RPS6KA4: variants seen among roughly 807,000 people sequenced by gnomAD.
The protein encoded by RPS6KA4 is ribosomal protein S6 kinase alpha-4.
RPS6KA4 carries 38 observed loss-of-function variants against 89.6 expected under a neutral mutation model. That is an observed-to-expected ratio of 0.42 (90% CI 0.33 to 0.56). The LOEUF is 0.56. RPS6KA4 is among the 20% of genes least tolerant of loss of function. The pLI is 0.07. For missense variants in RPS6KA4, 873 were observed against 1,098.8 expected (o/e 0.79, Z 2.90); for synonymous variants, 495 against 492.8 (o/e 1.00, Z -0.06).
chr11:64,361,699 C>T lies in RPS6KA4; in HGVS notation c.709C>T (p.Pro237Ser). 2 of 1,611,566 alleles carry T rather than the reference C, an allele frequency of 1.2e-6. No individual in the cohort carries two copies. The highest frequency in any genetic ancestry group is 1.7e-6 in the Non-Finnish European group (2 of 1,179,518). The change falls in exon 7 of 17, where the codon CCC becomes TCC. Residue 237 changes from proline to serine, a missense_variant. By Grantham distance (74) the Pro-to-Ser change is moderately conservative. This residue lies in a region of RPS6KA4 where 542 missense variants were observed against 736.4 expected (regional missense o/e 0.74). Coordinates refer to ENST00000334205, the MANE Select transcript of RPS6KA4 (RefSeq NM_003942.3). This position sits in a 1 kb window ranked among gnomAD's most constrained non-coding sequence, Gnocchi z 4.7. ...CTTCGAGCTGCTGACGGGGGCCTCG[C>T]CCTTCACCCTGGAGGGCGAGAGGAA... is the stretch of plus-strand genomic sequence containing the variant. The part of the protein sequence containing the change: ...LLFELLTGAS[P>S]FTLEGERNTQ...
rs1367052861 is a variant in RPS6KA4 at position 64,370,040 on chromosome 11, C to T, written c.1797+147C>T. ...AGCTGGGATCGGGGTGGTTCAAATACAGAGGTGGGGTCGCTCTGGTGCTAG... is the reference window on the plus strand; with the variant it reads ...AGCTGGGATCGGGGTGGTTCAAATATAGAGGTGGGGTCGCTCTGGTGCTAG... On this transcript the variant is annotated intron_variant, in intron 14 of 16. Coordinates refer to ENST00000334205, the MANE Select transcript of RPS6KA4 (RefSeq NM_003942.3). The surrounding 1 kb of genome is among the most constrained non-coding windows in gnomAD (Gnocchi z 4.1). The T allele has an allele frequency of 1.8e-6, 2 of 1,122,802 alleles. No homozygotes were observed. The highest frequency in any genetic ancestry group is 1.6e-5 in the African/African-American group (1 of 63,336). The allele number at this position is 1,122,802 out of a possible 1,614,324, so 69.6% of individuals were successfully genotyped here. A position where few individuals can be genotyped will look rare whatever the true frequency, so the allele number is the denominator to read the frequency against.
Position 64,359,290 on chromosome 11 carries a change from G to A in RPS6KA4, c.55G>A (p.Ala19Thr). The A allele has an allele frequency of 1.3e-6, 2 of 1,584,234 alleles. No individual in the cohort carries two copies. Among genetic ancestry groups the A allele is most frequent in the Non-Finnish European group, 1.7e-6 (2 of 1,163,854 alleles). ...SCAVELRITE[A>T]NLTGHEEKVS... ...CGCCGTGGAGCTGCGGATCACAGAA[G>A]GTGGGTGTGGGGCCTGACTGCGGCT... Residue 19 changes from alanine (A) to threonine (T), a missense_variant and splice_region_variant, in exon 1 of 17, where the codon GCC becomes ACC. Around this residue, in one of 4 missense-constraint regions of RPS6KA4, gnomAD observed 49 missense variants for 51.9 expected, o/e 0.94. Coordinates refer to ENST00000334205, the MANE Select transcript of RPS6KA4 (RefSeq NM_003942.3).
intron 16 of RPS6KA4, 140 bp from the exon 17 acceptor site, chr11:64,371,143 C>A (rs1376791011): frequency 2.9e-6 from 2 of 692,882 alleles, no homozygotes; most frequent in East Asian, 5.5e-5. Context: ...TGAACCGAAT[C>A]CGGTGGTCGG....
intron 8 of RPS6KA4, among the ~76,000 whole-genome samples, chr11:64,362,820 G>T (rs2036790492): frequency 6.6e-6 from 1 of 152,134 alleles, no homozygotes; most frequent in African/African-American, 2.4e-5. Context: ...ACAGGCACAG[G>T]CCACCACGAC....
Position 64,370,911 on chromosome 11 carries a change from C to T in RPS6KA4, c.2121+185C>T, listed in dbSNP as rs1291225443. On this transcript the variant is annotated intron_variant, in intron 16 of 16. Coordinates refer to ENST00000334205, the MANE Select transcript of RPS6KA4 (RefSeq NM_003942.3). The surrounding 1 kb of genome is among the most constrained non-coding windows in gnomAD (Gnocchi z 4.1). ...ACGAGGTCAGGGGTTCGAGACCAGC[C>T]TGAACAACATGGTGAAACCCCGTCT... 1.3e-5 allele frequency among the ~76,000 whole-genome samples: 2 copies of T among 152,146 alleles called. No homozygotes were observed. Among genetic ancestry groups the T allele is most frequent in the East Asian group, 3.9e-4 (2 of 5,148 alleles).
rs776026171 is a variant in RPS6KA4 at position 64,365,309 on chromosome 11, T to C, written c.915T>C (p.Asp305=). Residue 305 remains aspartate (D), a synonymous_variant, in exon 9 of 17, where the codon GAT becomes GAC. Coordinates refer to ENST00000334205, the MANE Select transcript of RPS6KA4 (RefSeq NM_003942.3). ...TGATTCCCTTCCCTCAGGGCCTCGA[T>C]TGGGTGGCTCTGGCTGCCAGGAAGA... ...VRNHPFFQGL[D]WVALAARKIP... 12 of 1,612,910 alleles carry C rather than the reference T, an allele frequency of 7.4e-6. No homozygotes were observed. In the Admixed American group the frequency reaches 1.8e-4, roughly 25 times the overall value.
Position 64,367,618 on chromosome 11 carries a change from G to A in RPS6KA4, c.1072-514G>A, listed in dbSNP as rs117350217. Among the ~76,000 whole-genome samples, 68 of 152,242 alleles carry A rather than the reference G, an allele frequency of 4.5e-4. 1 individual carries two copies. In the East Asian group the frequency reaches 0.011, roughly 24 times the overall value. ...AAGCCACCGTGCCTGGCCACAACAC[G>A]CAATTAAAATGACCCTTAAAAGCTC... On this transcript the variant is annotated intron_variant, in intron 9 of 16. Transcript: ENST00000334205.
chr11:64,371,101 CAAAAAAAAAA>C (rs374004148), intron 16 of RPS6KA4, among the ~76,000 whole-genome samples, 172 bp from the exon 17 acceptor site: 37,043 of 89,690 alleles, frequency 0.41, 6,545 homozygotes, highest in South Asian at 0.51. Flanking sequence ...GAGACTCCGT[CAAAAAAAAAA>C]AAAAAAAAAA....
At chr11:64,364,158 T>G (rs533297) in intron 8 of RPS6KA4, among the ~76,000 whole-genome samples, 5 of 1,654 alleles carry the variant, frequency 3.0e-3, no homozygotes, top group Non-Finnish European at 8.9e-3. Flanking sequence ...TTTTTTTTAA[T>G]TTTTTTTTTA....
In RPS6KA4 at chr11:64,360,261, G is replaced by T. The variant is rs2036706827; in HGVS notation, c.226G>T (p.Ala76Ser). 4.5e-6 allele frequency: 7 copies of T among 1,547,152 alleles called. No homozygotes were observed. The highest frequency in any genetic ancestry group is 2.4e-5 in the East Asian group (1 of 40,924). ...GCGCAAGGCGGCGCTGGTGCAGCGC[G>T]CCAAGACGCAAGAGCACACGCGCAC... ...VLRKAALVQR[A>S]KTQEHTRTER... is the part of the protein sequence containing the mutation. Residue 76 changes from alanine (A) to serine (S), a missense_variant, in exon 3 of 17, where the codon GCC (alanine) becomes TCC (serine). Transcript: ENST00000334205.
chr11:64,369,736 T>C lies in RPS6KA4; in HGVS notation c.1640T>C (p.Val547Ala), dbSNP rs781399940. Residue 547 changes from valine (V) to alanine (A), a missense_variant, in exon 14 of 17, where the codon GTG becomes GCG. Around this residue, in one of 4 missense-constraint regions of RPS6KA4, gnomAD observed 542 missense variants for 736.4 expected, o/e 0.74. Transcript: ENST00000334205. ...GCCGACGACACGCCCGGGGCCCCGG[T>C]GAAAATCATCGACTTCGGGTTCGCG... ...LYADDTPGAPVKIIDFGFARL... is the reference protein window; with the variant it reads ...LYADDTPGAPAKIIDFGFARL... 4 of 1,610,982 alleles carry C rather than the reference T, an allele frequency of 2.5e-6. No homozygotes were observed. The Admixed American group carries it at 5.0e-5, about 20-fold the overall frequency.
chr11:64,363,691 C>T (rs1462768902), intron 8 of RPS6KA4, among the ~76,000 whole-genome samples: 1 of 152,066 alleles, frequency 6.6e-6, no homozygotes, highest in African/African-American at 2.4e-5. Flanking sequence ...AGGGATTCAC[C>T]ATGTTGGCCA....
Position 64,370,023 on chromosome 11 carries a change from TC to T in RPS6KA4, c.1797+131del. ...GGCTGGGTTTCGTCCGAAGCTGGGA[TC>T]GGGGTGGTTCAAATACAGAGGTGGG... is the stretch of plus-strand genomic sequence containing the variant. On this transcript the variant is annotated intron_variant, in intron 14 of 16. Coordinates refer to ENST00000334205, the MANE Select transcript of RPS6KA4 (RefSeq NM_003942.3). The surrounding 1 kb of genome is among the most constrained non-coding windows in gnomAD (Gnocchi z 4.1). The T allele has an allele frequency of 8.7e-7, 1 of 1,152,852 alleles. No individual in the cohort carries two copies. The highest frequency in any genetic ancestry group is 2.9e-5 in the Admixed American group (1 of 34,182). 71.4% of individuals were successfully genotyped at this position (1,152,852 alleles called of 1,614,324 possible). A position where few individuals can be genotyped will look rare whatever the true frequency, so the allele number is the denominator to read the frequency against.
Position 64,365,423 on chromosome 11 carries a change from A to G in RPS6KA4, c.1029A>G (p.Ser343=), listed in dbSNP as rs745584291. The change falls in exon 9 of 17, where the codon TCA becomes TCG. Residue 343 remains serine, a synonymous_variant. Transcript: ENST00000334205. ...TCACTCGGCTGGAGCCTGTCTACTCACCCCCTGGCAGCCCCCCACCTGGGG... is the reference window on the plus strand; with the variant it reads ...TCACTCGGCTGGAGCCTGTCTACTCGCCCCCTGGCAGCCCCCCACCTGGGG... The part of the protein sequence containing the change: ...EEFTRLEPVY[S]PPGSPPPGDP... 8.7e-6 allele frequency: 14 copies of G among 1,613,530 alleles called. No individual in the cohort carries two copies. The highest frequency in any genetic ancestry group is 1.1e-5 in the Non-Finnish European group (13 of 1,179,860).
In RPS6KA4 at chr11:64,359,410, G is replaced by A; in HGVS notation, c.88G>A (p.Val30Met). ...GACCGGGCACGAGGAGAAGGTGAGCGTGGAGAACTTCGAGCTGCTCAAGGT... is the reference window on the plus strand; with the variant it reads ...GACCGGGCACGAGGAGAAGGTGAGCATGGAGAACTTCGAGCTGCTCAAGGT... Reference protein sequence around the residue: ...NLTGHEEKVSVENFELLKVLG... With the variant: ...NLTGHEEKVSMENFELLKVLG... The change falls in exon 2 of 17, where the codon GTG (valine) becomes ATG (methionine). Residue 30 changes from valine (V) to methionine (M), a missense_variant. Physicochemically the swap from Val to Met is conservative, Grantham distance 21. This residue lies in a region of RPS6KA4 where 49 missense variants were observed against 51.9 expected (regional missense o/e 0.94). Coordinates refer to ENST00000334205, the MANE Select transcript of RPS6KA4 (RefSeq NM_003942.3). 6.2e-7 allele frequency: 1 copy of A among 1,613,710 alleles called. No individual in the cohort carries two copies. Among genetic ancestry groups the A allele is most frequent in the Non-Finnish European group, 8.5e-7 (1 of 1,179,832 alleles).
chr11:64,370,267 G>T lies in RPS6KA4; in HGVS notation c.1840G>T (p.Gly614Cys). The change falls in exon 15 of 17, where the codon GGC becomes TGC. Residue 614 changes from glycine to cysteine, a missense_variant. Gly to Cys is a radical substitution (Grantham distance 159, BLOSUM62 -3). Coordinates refer to ENST00000334205, the MANE Select transcript of RPS6KA4 (RefSeq NM_003942.3). This position sits in a 1 kb window ranked among gnomAD's most constrained non-coding sequence, Gnocchi z 4.1. ...GCAGGTCCCCTTCCAGGGGGCCTCT[G>T]GCCAGGGCGGGCAGAGCCAGGCGGC... ...SGQVPFQGASGQGGQSQAAEI... is the reference protein window; with the variant it reads ...SGQVPFQGASCQGGQSQAAEI... 6.3e-7 allele frequency: 1 copy of T among 1,581,770 alleles called. No homozygotes were observed. Among genetic ancestry groups the T allele is most frequent in the Non-Finnish European group, 8.5e-7 (1 of 1,170,664 alleles).
rs533013651 is a variant in RPS6KA4 at position 64,363,605 on chromosome 11, C to T, written c.906+1603C>T. On this transcript the variant is annotated intron_variant, in intron 8 of 16. Transcript: ENST00000334205. ...TTCCCTGGTTCAAGTGATTCTCCTG[C>T]CTCAGCCTCCCGAGTAGCTGGGATT... Among the ~76,000 whole-genome samples, 7 of 152,188 alleles carry T rather than the reference C, an allele frequency of 4.6e-5. No individual in the cohort carries two copies. The South Asian group carries it at 1.5e-3, about 32-fold the overall frequency.
chr11:64,371,385 C>A lies in RPS6KA4; in HGVS notation c.2224C>A (p.Arg742Ser), dbSNP rs779234584. ...KQKLRSATAS[R>S]RGSPAPANPG... Reference sequence around the variant, plus strand: ...GAAGCTGCGGAGCGCCACCGCCTCCCGCCGGGGCTCCCCTGCACCAGCCAA... The same window carrying A: ...GAAGCTGCGGAGCGCCACCGCCTCCAGCCGGGGCTCCCCTGCACCAGCCAA... The change falls in exon 17 of 17, where the codon CGC becomes AGC. Residue 742 changes from arginine to serine, a missense_variant. This residue lies in a region of RPS6KA4 where 278 missense variants were observed against 284.8 expected (regional missense o/e 0.98). Coordinates refer to ENST00000334205, the MANE Select transcript of RPS6KA4 (RefSeq NM_003942.3). 2 of 1,612,026 alleles carry A rather than the reference C, an allele frequency of 1.2e-6. No homozygotes were observed. The highest frequency in any genetic ancestry group is 2.2e-5 in the South Asian group (2 of 91,038).
rs1251886568 is a variant in RPS6KA4 at position 64,369,438 on chromosome 11, G to T, written c.1429-8G>T. The stretch of plus-strand genomic sequence containing the variant: ...GGTGTTGACCTTGGCCCGCCACGCC[G>T]CCCGCAGCTGCACACGTACCTGGTC... On this transcript the variant is annotated splice_polypyrimidine_tract_variant and splice_region_variant and intron_variant, in intron 12 of 16. Coordinates refer to ENST00000334205, the MANE Select transcript of RPS6KA4 (RefSeq NM_003942.3). 1.3e-6 allele frequency: 2 copies of T among 1,586,184 alleles called. No individual in the cohort carries two copies. The highest frequency in any genetic ancestry group is 1.7e-6 in the Non-Finnish European group (2 of 1,168,840).
Sources: allele counts gnomAD v4.1 joint callset (sites outside exome capture counted in the v4.1 genomes callset), GRCh38; gene constraint gnomAD v4.1.1; regional missense constraint gnomAD v4.1.1; non-coding constraint Gnocchi (gnomAD v3.1); transcripts MANE v1.5; gene names NCBI Gene and HGNC (gene_info 2026-07-23, HGNC 2026-07-21).